The following TWF1 variants were observed in gnomAD, a reference collection of about 807,000 sequenced individuals.
TWF1 encodes the protein twinfilin actin binding protein 1, also known as twinfilin-1.
In TWF1, 14 loss-of-function variants were observed where a neutral mutation model predicts 47.9. That is an observed-to-expected ratio of 0.29 (90% confidence interval 0.19 to 0.46). TWF1 has a LOEUF of 0.46. TWF1 is among the 20% of genes least tolerant of loss of function. The probability of loss-of-function intolerance (pLI) is 1.00; values close to 1 mark genes in which losing one functional copy is unlikely to be tolerated. For synonymous variants in TWF1, 96 were observed against 139.2 expected, an observed-to-expected ratio of 0.69 and a Z score of 2.18; for missense variants, 281 against 409.3, an observed-to-expected ratio of 0.69 and a Z score of 2.70.
intron 3 of TWF1, 84 bp downstream of exon 3, chr12:43,802,202 T>C (rs996517217): frequency 1.1e-6 from 1 of 904,608 alleles, no homozygotes; most frequent in Admixed American, 3.1e-5. Context: ...ATAATTATTG[T>C]TTTTTAACCT....
At chr12:43,799,275 A>T (rs573089523) in intron 5 of TWF1, 123 bp downstream of exon 5, 4 of 570,012 alleles carry the variant, frequency 7.0e-6, no homozygotes, top group Non-Finnish European at 1.2e-5. Flanking sequence ...CTCTAAACTA[A>T]ACGGAATAAA....
rs56408730 is a variant in TWF1 at position 43,800,354 on chromosome 12, C to T, written c.378+81G>A. 1.3e-3 allele frequency: 1,239 copies of T among 920,418 alleles called. 12 individuals are homozygous for T. In the African/African-American group the frequency reaches 0.017, roughly 13 times the overall value. The allele number at this position is 920,418 out of a possible 1,614,324, so 57.0% of individuals were successfully genotyped here. A position where few individuals can be genotyped will look rare whatever the true frequency, so the allele number is the denominator to read the frequency against. On this transcript the variant is annotated intron_variant, in intron 4 of 8. Coordinates refer to ENST00000395510, the MANE Select transcript of TWF1 (RefSeq NM_002822.5). ...TGTTTTCAGATTATCCATCTGAATTCGTATCAATTACCCATTACCTAGGAG... is the reference window on the plus strand; with the variant it reads ...TGTTTTCAGATTATCCATCTGAATTTGTATCAATTACCCATTACCTAGGAG...
In TWF1 at chr12:43,797,695, A is replaced by G; in HGVS notation, c.609+13T>C. Reference sequence around the variant, plus strand: ...AAAGAGCAGCCACTTAATAATCATTATACATCTCTTACCAACTGCACATAG... The same window carrying G: ...AAAGAGCAGCCACTTAATAATCATTGTACATCTCTTACCAACTGCACATAG... On this transcript the variant is annotated intron_variant, in intron 6 of 8. Transcript: ENST00000395510. The G allele has an allele frequency of 6.2e-7, 1 of 1,610,564 alleles. No individual in the cohort carries two copies.
rs1942511756 is a variant in TWF1 at position 43,794,247 on chromosome 12, CTGAT to C, written c.*1334_*1337del. ...ATTTTGCATGTTTAAATATTATAGT[CTGAT>C]TATTTGTAAACAAACAAAACCCCAA... On this transcript the variant is annotated 3_prime_UTR_variant, in exon 9 of 9. Transcript: ENST00000395510. 1 of 152,624 alleles carries C rather than the reference CTGAT, an allele frequency of 6.6e-6. No individual in the cohort carries two copies. The highest frequency in any genetic ancestry group is 6.5e-5 in the Admixed American group (1 of 15,280). The allele number at this position is 152,624 out of a possible 1,614,324, so 9.5% of individuals were successfully genotyped here.
At chr12:43,797,606 C>A in intron 6 of TWF1, 102 bp downstream of exon 6, 1 of 1,460,606 alleles carries the variant, frequency 6.8e-7, no homozygotes, top group South Asian at 1.4e-5. Context: ...TTTTAGAAAT[C>A]AGAAAGCTAT....
chr12:43,797,637 A>G, intron 6 of TWF1, 71 bp downstream of exon 6: 1 of 1,516,746 alleles, frequency 6.6e-7, no homozygotes, highest in South Asian at 1.3e-5. Context: ...AAATCCATTA[A>G]TAATAAACCC....
At chr12:43,798,722 C>A in intron 5 of TWF1, 1 of 995,044 alleles carries the variant, frequency 1.0e-6, no homozygotes, top group South Asian at 1.8e-5. Context: ...TGATATTCAA[C>A]CATTCTCCAG....
intron 8 of TWF1, among the ~76,000 whole-genome samples, chr12:43,796,334 A>G (rs550882984): frequency 1.3e-5 from 2 of 152,258 alleles, no homozygotes; most frequent in Admixed American, 1.3e-4. Context: ...AAAAAGCATG[A>G]AGGGTTCAGA....
At position 43,797,504 on chromosome 12, in the gene TWF1, A is replaced by C. The variant is rs538331386; in HGVS notation, c.610-52T>G. The C allele has an allele frequency of 1.2e-5, 17 of 1,446,792 alleles. No individual in the cohort carries two copies. In the South Asian group the frequency reaches 2.1e-4, roughly 18 times the overall value. 89.6% of individuals were successfully genotyped at this position (1,446,792 alleles called of 1,614,324 possible). Reference sequence around the variant, plus strand: ...ATTAAAACCAGATATAAGGAAATTAAGTTAAAACATATAATAAAAAGACCA... The same window carrying C: ...ATTAAAACCAGATATAAGGAAATTACGTTAAAACATATAATAAAAAGACCA... On this transcript the variant is annotated intron_variant, in intron 6 of 8. Transcript: ENST00000395510.
chr12:43,805,988 G>A (rs995211717), intron 1 of TWF1: 1 of 1,536,840 alleles, frequency 6.5e-7, no homozygotes, highest in Non-Finnish European at 8.7e-7. Context: ...TCGCTCCCCC[G>A]AATTTCGGAT....
chr12:43,797,233 T>A lies in TWF1; in HGVS notation c.760+69A>T, dbSNP rs1942569328. On this transcript the variant is annotated intron_variant, in intron 7 of 8. Transcript: ENST00000395510. ...CTAAGCCCTCTGGGCAAGAAATAAG[T>A]AAGAATATAGGGCTGATACACCAAT... The A allele has an allele frequency of 8.7e-6, 13 of 1,496,998 alleles. No individual in the cohort carries two copies. In the South Asian group the frequency reaches 1.7e-4, roughly 20 times the overall value. 92.7% of individuals were successfully genotyped at this position (1,496,998 alleles called of 1,614,324 possible).
At chr12:43,805,346 C>A (rs1378157686) in intron 1 of TWF1, among the ~76,000 whole-genome samples, 2 of 152,106 alleles carry the variant, frequency 1.3e-5, no homozygotes, top group South Asian at 2.1e-4. Flanking sequence ...CTTCTGCGTG[C>A]GTGCAGGGGG....
intron 4 of TWF1, 37 bp downstream of exon 4, chr12:43,800,398 A>T: frequency 6.6e-7 from 1 of 1,504,254 alleles, no homozygotes; most frequent in Non-Finnish European, 9.1e-7. Flanking sequence ...TAATCATTTT[A>T]ATTGCAACAT....
intron 5 of TWF1, among the ~76,000 whole-genome samples, chr12:43,798,778 A>G (rs1354887158): frequency 2.0e-5 from 3 of 152,098 alleles, no homozygotes; most frequent in Non-Finnish European, 4.4e-5. Flanking sequence ...CAGTGGTTTC[A>G]GCTAATGAAT....
chr12:43,804,840 T>A (rs1212645685), intron 1 of TWF1, among the ~76,000 whole-genome samples: 3 of 152,238 alleles, frequency 2.0e-5, no homozygotes. Flanking sequence ...GTGAATATAC[T>A]GAAGTTACTC....
chr12:43,804,314 T>C, intron 2 of TWF1, 181 bp downstream of exon 2: 2 of 591,100 alleles, frequency 3.4e-6, no homozygotes, highest in Non-Finnish European at 6.2e-6. Context: ...AGTCACATAA[T>C]TCAGAATGAA....
intron 1 of TWF1, 75 bp downstream of exon 1, chr12:43,806,146 C>A: frequency 1.3e-6 from 2 of 1,507,074 alleles, no homozygotes; most frequent in East Asian, 2.5e-5. Context: ...CCAGCCCTGC[C>A]GGTCCTGCAG....
intron 5 of TWF1, 130 bp downstream of exon 5, chr12:43,799,268 T>C: frequency 1.8e-6 from 1 of 543,294 alleles, no homozygotes; most frequent in Non-Finnish European, 3.1e-6. Context: ...GCCTTATCTC[T>C]AAACTAAACG....
intron 1 of TWF1, 66 bp from the exon 2 acceptor site, chr12:43,804,638 G>A: frequency 8.8e-7 from 1 of 1,131,490 alleles, no homozygotes; most frequent in Non-Finnish European, 1.3e-6. Flanking sequence ...TATCTATATT[G>A]GAAAAGTTAA....
Sources: gnomAD v4.1 joint callset for allele counts (sites outside exome capture counted in the v4.1 genomes callset) on GRCh38, gnomAD v4.1.1 for gene constraint, MANE v1.5 for transcripts, NCBI Gene and HGNC (gene_info 2026-07-23, HGNC 2026-07-21) for gene names.